Variants in UBE3C observed in about 807,000 individuals in gnomAD.
UBE3C encodes ubiquitin-protein ligase E3C.
UBE3C carries 42 observed loss-of-function variants against 129.4 expected under a neutral mutation model. That is an observed-to-expected ratio of 0.32 (90% CI 0.25 to 0.42). The LOEUF (loss-of-function observed/expected upper bound fraction) is 0.42, where lower values mean the gene tolerates loss of function less well. Among genes scored for constraint, UBE3C ranks in the 10% least tolerant of loss-of-function variants. The probability of loss-of-function intolerance (pLI) is 1.00; values close to 1 mark genes in which losing one functional copy is unlikely to be tolerated. For synonymous variants in UBE3C, 510 were observed against 492.4 expected (o/e 1.04, Z -0.47); for missense variants, 1,049 against 1,319.1 (o/e 0.80, Z 3.17).
intron 22 of UBE3C, among the ~76,000 whole-genome samples, chr7:157,266,105 G>C (rs1313693870): frequency 6.6e-6 from 1 of 152,168 alleles, no homozygotes; most frequent in Non-Finnish European, 1.5e-5. Context: ...ACGAGGTCAG[G>C]AGATCGAGAT....
intron 18 of UBE3C, among the ~76,000 whole-genome samples, chr7:157,246,809 C>T (rs1176224188): frequency 1.3e-5 from 2 of 152,232 alleles, no homozygotes; most frequent in Non-Finnish European, 2.9e-5. Flanking sequence ...CTGTTCTCCA[C>T]ACCCCCGGGG....
At chr7:157,143,567 T>G (rs1173168400) in intron 1 of UBE3C, among the ~76,000 whole-genome samples, 1 of 152,090 alleles carries the variant, frequency 6.6e-6, no homozygotes, top group Non-Finnish European at 1.5e-5. Context: ...GTCAAGAAAG[T>G]TTGATCATAA....
chr7:157,150,488 G>A (rs1038408946), intron 1 of UBE3C, among the ~76,000 whole-genome samples: 4 of 152,102 alleles, frequency 2.6e-5, no homozygotes, highest in African/African-American at 9.7e-5. Context: ...CATAAGAGAA[G>A]ATGCATGGGA....
At chr7:157,203,069 A>T (rs1457245727) in intron 11 of UBE3C, among the ~76,000 whole-genome samples, 5 of 152,246 alleles carry the variant, frequency 3.3e-5, no homozygotes, top group African/African-American at 1.2e-4. Flanking sequence ...AGATATTCAT[A>T]TGTTGTTCAG....
intron 1 of UBE3C, among the ~76,000 whole-genome samples, chr7:157,142,342 TTTA>T (rs1277600674): frequency 2.6e-5 from 4 of 151,932 alleles, no homozygotes; most frequent in East Asian, 3.9e-4. Flanking sequence ...ACTTTTAGTA[TTTA>T]TTATTTGTAT....
chr7:157,216,058 GTCCAGGCCAGCC>G (rs1795558385), intron 13 of UBE3C, among the ~76,000 whole-genome samples: 1 of 152,152 alleles, frequency 6.6e-6, no homozygotes, highest in Admixed American at 6.6e-5. Context: ...AGTGAAGTGT[GTCCAGGCCAGCC>G]TGTTTGGAAA....
chr7:157,261,082 C>T (rs1459178463), intron 22 of UBE3C, among the ~76,000 whole-genome samples: 1 of 151,892 alleles, frequency 6.6e-6, no homozygotes, highest in Non-Finnish European at 1.5e-5. Context: ...GCGGGTGGAT[C>T]CCCTGAGGCC....
At chr7:157,239,227 A>T (rs1023548887) in intron 18 of UBE3C, among the ~76,000 whole-genome samples, 1 of 152,254 alleles carries the variant, frequency 6.6e-6, no homozygotes, top group African/African-American at 2.4e-5. Context: ...GCATAATGAT[A>T]ATAAATAAAT....
At chr7:157,233,084 T>C (rs1268274806) in intron 18 of UBE3C, among the ~76,000 whole-genome samples, 1 of 151,022 alleles carries the variant, frequency 6.6e-6, no homozygotes, top group Non-Finnish European at 1.5e-5. Flanking sequence ...ACCACTAGTC[T>C]ACTTTCAGTC....
intron 10 of UBE3C, among the ~76,000 whole-genome samples, chr7:157,200,943 G>T (rs1013747108): frequency 6.6e-6 from 1 of 151,936 alleles, no homozygotes; most frequent in Non-Finnish European, 1.5e-5. Context: ...CATTTTTTTA[G>T]ATTTATTTTT....
chr7:157,162,755 T>C lies in UBE3C; in HGVS notation c.67-1055T>C, dbSNP rs187100551. On this transcript the variant is annotated intron_variant, in intron 1 of 22. Coordinates refer to ENST00000348165, the MANE Select transcript of UBE3C (RefSeq NM_014671.3). ...AGGGTCTCAAACTCCTGTGCTCAAG[T>C]GATTCTCCTGCCTTGGCTTCCCAAA... is the stretch of plus-strand genomic sequence containing the variant. Among the ~76,000 whole-genome samples the C allele has an allele frequency of 7.5e-4, 114 of 151,830 alleles. 2 individuals are homozygous for C. The East Asian group carries it at 0.019, about 25-fold the overall frequency.
At chr7:157,257,742 C>CA (rs11436417) in intron 22 of UBE3C, among the ~76,000 whole-genome samples, 73,758 of 95,606 alleles carry the variant, frequency 0.77, 28,710 homozygotes, top group East Asian at 0.91. Context: ...ACCCTGTCTC[C>CA]AAAAAAAAAA....
At chr7:157,208,588 C>T (rs1257687288) in intron 13 of UBE3C, among the ~76,000 whole-genome samples, 1 of 152,094 alleles carries the variant, frequency 6.6e-6, no homozygotes, top group East Asian at 1.9e-4. Context: ...TTTTATTTTT[C>T]ACTAAATATT....
intron 1 of UBE3C, among the ~76,000 whole-genome samples, chr7:157,153,669 A>G (rs2116823728): frequency 6.6e-6 from 1 of 152,232 alleles, no homozygotes; most frequent in African/African-American, 2.4e-5. Context: ...TGCTCTAAGA[A>G]TGGTTGCGTT....
intron 13 of UBE3C, among the ~76,000 whole-genome samples, chr7:157,216,533 T>G (rs1238876172): frequency 6.6e-6 from 1 of 151,104 alleles, no homozygotes; most frequent in Non-Finnish European, 1.5e-5. Context: ...TAGATCCCAG[T>G]GTCTGTTCTT....
chr7:157,216,989 T>C lies in UBE3C; in HGVS notation c.1914+18T>C. 6.3e-7 allele frequency: 1 copy of C among 1,574,810 alleles called. No individual in the cohort carries two copies. Among genetic ancestry groups the C allele is most frequent in the South Asian group, 1.1e-5 (1 of 88,796 alleles). ...CAGATAAGGTGTTATTGAAAGATCTTTTTAATATTTATCATTAAAAAATAC... is the reference window on the plus strand; with the variant it reads ...CAGATAAGGTGTTATTGAAAGATCTCTTTAATATTTATCATTAAAAAATAC... On this transcript the variant is annotated intron_variant, in intron 14 of 22. Transcript: ENST00000348165.
At position 157,207,456 on chromosome 7, in the gene UBE3C, T is replaced by G; in HGVS notation, c.1477T>G (p.Ser493Ala). The G allele has an allele frequency of 6.2e-7, 1 of 1,614,064 alleles. No homozygotes were observed. Among genetic ancestry groups the G allele is most frequent in the Non-Finnish European group, 8.5e-7 (1 of 1,180,014 alleles). ...SRGSPMSFEDSSRIIPLFYLF... is the reference protein window; with the variant it reads ...SRGSPMSFEDASRIIPLFYLF... ...GGGTTCTCCTATGTCTTTTGAAGAT[T>G]CTAGTCGAATCATCCCACTCTTTTA... The change falls in exon 12 of 23, where the codon TCT (serine) becomes GCT (alanine). Residue 493 changes from serine (S) to alanine (A), a missense_variant. By Grantham distance (99) the Ser-to-Ala change is moderately conservative. This residue lies in a region of UBE3C where 314 missense variants were observed against 416.9 expected (regional missense o/e 0.75). Transcript: ENST00000348165.
chr7:157,261,062 G>A (rs531002312), intron 22 of UBE3C, among the ~76,000 whole-genome samples: 2 of 152,104 alleles, frequency 1.3e-5, no homozygotes, highest in South Asian at 4.2e-4. Context: ...CAGCACTTTG[G>A]GAGGCCAAGG....
In UBE3C at chr7:157,175,001, T is replaced by C; in HGVS notation, c.425T>C (p.Phe142Ser). 6.2e-7 allele frequency: 1 copy of C among 1,612,402 alleles called. No homozygotes were observed. Among genetic ancestry groups the C allele is most frequent in the Non-Finnish European group, 8.5e-7 (1 of 1,179,352 alleles). ...GGATCTGAGAGACTTACATGCTTAT[T>C]TCAGATAAAAAGATTGATGAGCCTC... ...LDGSERLTCL[F>S]QIKRLMSLCC... The change falls in exon 5 of 23, where the codon TTT (phenylalanine) becomes TCT (serine). Residue 142 changes from phenylalanine (F) to serine (S), a missense_variant. Physicochemically the swap from Phe to Ser is radical, Grantham distance 155. Coordinates refer to ENST00000348165, the MANE Select transcript of UBE3C (RefSeq NM_014671.3).
Sources: allele counts gnomAD v4.1 joint callset (sites outside exome capture counted in the v4.1 genomes callset), GRCh38; gene constraint gnomAD v4.1.1; regional missense constraint gnomAD v4.1.1; transcripts MANE v1.5; gene names NCBI Gene and HGNC (gene_info 2026-07-23, HGNC 2026-07-21).